The following IGSF22 variants were observed in gnomAD, a reference collection of about 807,000 sequenced individuals.
The protein encoded by IGSF22 is immunoglobulin superfamily, member 22.
In IGSF22, 119 loss-of-function variants were observed where a neutral mutation model predicts 127.0. That is an observed-to-expected ratio of 0.94 (90% CI 0.81 to 1.09). IGSF22 has a LOEUF of 1.09. Among genes scored for constraint, IGSF22 ranks in the 50% least tolerant of loss-of-function variants. The pLI is 0.00. For missense variants in IGSF22, 1,518 were observed against 1,716.6 expected (o/e 0.88, Z 2.04); for synonymous variants, 568 against 664.7 (o/e 0.85, Z 2.24).
chr11:18,707,427 T>C (rs1848262250), intron 20 of IGSF22: 1 of 541,790 alleles, frequency 1.8e-6, no homozygotes, highest in Non-Finnish European at 3.2e-6. Context: ...TTTCCTCAAT[T>C]GCAAAATAGA....
rs745693032 is a variant in IGSF22 at position 18,712,046 on chromosome 11, T to C, written c.2398+36A>G. ...GGCTTAAGGTCTCCATGCTGACCCC[T>C]GGGTTCCCCACTGAGCACCAGGCTA... On this transcript the variant is annotated intron_variant, in intron 15 of 22. Coordinates refer to ENST00000513874, the MANE Select transcript of IGSF22 (RefSeq NM_173588.4). The C allele has an allele frequency of 3.9e-6, 6 of 1,520,384 alleles. No homozygotes were observed. The South Asian group carries it at 7.6e-5, about 19-fold the overall frequency. 94.2% of individuals were successfully genotyped at this position (1,520,384 alleles called of 1,614,324 possible). A position where few individuals can be genotyped will look rare whatever the true frequency, so the allele number is the denominator to read the frequency against.
At chr11:18,725,551 C>T (rs903815610) in intron 1 of IGSF22, among the ~76,000 whole-genome samples, 1 of 152,186 alleles carries the variant, frequency 6.6e-6, no homozygotes, top group Non-Finnish European at 1.5e-5. Flanking sequence ...AGCAATTCTC[C>T]TGCCTCAGGC....
chr11:18,710,631 G>A (rs1848335475), intron 16 of IGSF22, 24 bp downstream of exon 16: 2 of 1,604,286 alleles, frequency 1.2e-6, no homozygotes, highest in Non-Finnish European at 1.7e-6. Context: ...GGTCACTCCT[G>A]GGCCTCTGTT....
intron 2 of IGSF22, among the ~76,000 whole-genome samples, chr11:18,722,483 C>G (rs565648184): frequency 2.0e-5 from 3 of 152,252 alleles, no homozygotes; most frequent in South Asian, 2.1e-4. Context: ...GTGGGTTCAG[C>G]ATTCATTGCC....
chr11:18,715,958 G>A (rs1004516061), intron 10 of IGSF22, among the ~76,000 whole-genome samples: 13 of 152,178 alleles, frequency 8.5e-5, no homozygotes, highest in Non-Finnish European at 1.3e-4. Flanking sequence ...CAGTTTCCTC[G>A]TATGTAAAAT....
At position 18,714,103 on chromosome 11, in the gene IGSF22, T is replaced by C. The variant is rs1174846808; in HGVS notation, c.1844A>G (p.His615Arg). The C allele has an allele frequency of 6.2e-7, 1 of 1,614,184 alleles. No homozygotes were observed. Among genetic ancestry groups the C allele is most frequent in the Admixed American group, 1.7e-5 (1 of 60,030 alleles). The change falls in exon 14 of 23, where the codon CAC (histidine) becomes CGC (arginine). Residue 615 changes from histidine to arginine, a missense_variant. His to Arg is a conservative substitution (Grantham distance 29). This residue lies in a region of IGSF22 where 1,456 missense variants were observed against 1,644.9 expected (regional missense o/e 0.89). Coordinates refer to ENST00000513874, the MANE Select transcript of IGSF22 (RefSeq NM_173588.4). ...DPSVLEALAA[H>R]AITVKVGHTA... is the part of the protein sequence containing the mutation. ...GTGGCCTACCTTCACAGTGATGGCG[T>C]GCGCAGCCAGTGCCTCCAGTACTGA...
At chr11:18,715,997 T>C (rs1240939319) in intron 10 of IGSF22, among the ~76,000 whole-genome samples, 1 of 152,182 alleles carries the variant, frequency 6.6e-6, no homozygotes, top group Non-Finnish European at 1.5e-5. Context: ...GTGCTCAATA[T>C]CTCTAATGCC....
chr11:18,716,640 G>T lies in IGSF22; in HGVS notation c.1246+88C>A. On this transcript the variant is annotated intron_variant, in intron 10 of 22. Transcript: ENST00000513874. The surrounding 1 kb of genome is among the most constrained non-coding windows in gnomAD (Gnocchi z 4.5). Reference sequence around the variant, plus strand: ...AGGGCTTTGCAAAAAGGAGATGGATGGATAGATGGATATATAAATGATGAC... The same window carrying T: ...AGGGCTTTGCAAAAAGGAGATGGATTGATAGATGGATATATAAATGATGAC... 2 of 1,362,148 alleles carry T rather than the reference G, an allele frequency of 1.5e-6. No homozygotes were observed. The highest frequency in any genetic ancestry group is 2.1e-6 in the Non-Finnish European group (2 of 972,888). The allele number at this position is 1,362,148 out of a possible 1,614,324, so 84.4% of individuals were successfully genotyped here. A position where few individuals can be genotyped will look rare whatever the true frequency, so the allele number is the denominator to read the frequency against.
rs1168261883 is a variant in IGSF22, at chr11:18,712,478, T to C, written c.2096-94A>G. On this transcript the variant is annotated intron_variant, in intron 14 of 22. Transcript: ENST00000513874. ...CCAAAGGTCTGCCCAGACTAGGGTA[T>C]AGCTGGATTTTGAGCTTTTTGGATC... 5.1e-6 allele frequency: 6 copies of C among 1,180,664 alleles called. No homozygotes were observed. The African/African-American group carries it at 6.2e-5, about 12-fold the overall frequency. 73.1% of individuals were successfully genotyped at this position (1,180,664 alleles called of 1,614,324 possible).
At position 18,710,727 on chromosome 11, in the gene IGSF22, G is replaced by T; in HGVS notation, c.2500C>A (p.Leu834Ile). ...TTCCTTCGTTCTACAATGTAGCCGA[G>T]CACTGGGGCTCCCCCATCCTGGGTA... ...APTQDGGAPVLGYIVERRKKG... is the reference protein window; with the variant it reads ...APTQDGGAPVIGYIVERRKKG... Residue 834 changes from leucine to isoleucine, a missense_variant, in exon 16 of 23, where the codon CTC (leucine) becomes ATC (isoleucine). By Grantham distance (5) the Leu-to-Ile change is conservative. Coordinates refer to ENST00000513874, the MANE Select transcript of IGSF22 (RefSeq NM_173588.4). 1 of 1,614,170 alleles carries T rather than the reference G, an allele frequency of 6.2e-7. No individual in the cohort carries two copies. Among genetic ancestry groups the T allele is most frequent in the Non-Finnish European group, 8.5e-7 (1 of 1,180,000 alleles).
intron 15 of IGSF22, among the ~76,000 whole-genome samples, chr11:18,711,585 A>G (rs1848357560): frequency 6.6e-6 from 1 of 152,064 alleles, no homozygotes; most frequent in African/African-American, 2.4e-5. Flanking sequence ...TTTAGTAGAG[A>G]TAGGGTTTCA....
At position 18,716,447 on chromosome 11, in the gene IGSF22, T is replaced by C. The variant is rs146472973; in HGVS notation, c.1246+281A>G. On this transcript the variant is annotated intron_variant, in intron 10 of 22. Transcript: ENST00000513874. This position sits in a 1 kb window ranked among gnomAD's most constrained non-coding sequence, Gnocchi z 4.5. ...GCTGTAATATATGACATTAGAGACA[T>C]AGACTAATACTTTCTTGGTCCATGA... 1.7e-4 allele frequency among the ~76,000 whole-genome samples: 26 copies of C among 152,312 alleles called. No individual in the cohort carries two copies. Among genetic ancestry groups the C allele is most frequent in the East Asian group, 1.2e-3 (6 of 5,184 alleles).
intron 4 of IGSF22, among the ~76,000 whole-genome samples, chr11:18,720,825 G>A (rs2278735): frequency 0.19 from 28,895 of 152,102 alleles, 3,078 homozygotes; most frequent in Admixed American, 0.25. Context: ...TGTGTGCTGT[G>A]GGGGGCTTAG....
rs1251348967 is a variant in IGSF22 at position 18,710,682 on chromosome 11, C to T, written c.2545G>A (p.Val849Met). 6.2e-7 allele frequency: 1 copy of T among 1,613,474 alleles called. No individual in the cohort carries two copies. The highest frequency in any genetic ancestry group is 2.2e-5 in the East Asian group (1 of 44,886). The change falls in exon 16 of 23, where the codon GTG becomes ATG. Residue 849 changes from valine (V) to methionine (M), a missense_variant. Val to Met is a conservative substitution (Grantham distance 21). Transcript: ENST00000513874. The stretch of plus-strand genomic sequence containing the variant: ...TGGATGGGGTCCTTGTTGACTGGCA[C>T]CCACAGGTTGCTGCCTTTCTTCCTT... ...ERRKKGSNLW[V>M]PVNKDPIQGT...
At chr11:18,720,133 CA>C (rs1352375703) in intron 5 of IGSF22, 30 bp from the exon 6 acceptor site, 1 of 1,614,132 alleles carries the variant, frequency 6.2e-7, no homozygotes, top group African/African-American at 1.3e-5. Flanking sequence ...CAGGTTCAGA[CA>C]GGGGGAGTCT....
rs970113743 is a variant in IGSF22, at chr11:18,709,137, T to C, written c.2998+250A>G. ...GTGGTCTCAGTGAACTGGTTTTGCG[T>C]GTACAATGCGCAAGAAGAACCCATT... On this transcript the variant is annotated intron_variant, in intron 18 of 22. Coordinates refer to ENST00000513874, the MANE Select transcript of IGSF22 (RefSeq NM_173588.4). The surrounding 1 kb of genome is among the most constrained non-coding windows in gnomAD (Gnocchi z 4.8). 1.3e-5 allele frequency among the ~76,000 whole-genome samples: 2 copies of C among 152,212 alleles called. No individual in the cohort carries two copies. The highest frequency in any genetic ancestry group is 4.8e-5 in the African/African-American group (2 of 41,446).
Position 18,716,943 on chromosome 11 carries a change from G to A in IGSF22, c.1031C>T (p.Thr344Ile), listed in dbSNP as rs375519590. The A allele has an allele frequency of 1.2e-5, 20 of 1,614,174 alleles. No individual in the cohort carries two copies. Among genetic ancestry groups the A allele is most frequent in the Non-Finnish European group, 4.2e-6 (5 of 1,180,024 alleles). The change falls in exon 10 of 23, where the codon ACA (threonine) becomes ATA (isoleucine). Residue 344 changes from threonine to isoleucine, a missense_variant. Physicochemically the swap from Thr to Ile is moderately conservative, Grantham distance 89 (BLOSUM62 -1). Around this residue, in one of 3 missense-constraint regions of IGSF22, gnomAD observed 1,456 missense variants for 1,644.9 expected, o/e 0.89. Coordinates refer to ENST00000513874, the MANE Select transcript of IGSF22 (RefSeq NM_173588.4). The surrounding 1 kb of genome is among the most constrained non-coding windows in gnomAD (Gnocchi z 4.5). ...MKPVKVTERQ[T>I]AVFEIRLSKK... Reference sequence around the variant, plus strand: ...GGAGAGGCGGATCTCAAACACAGCTGTCTGGCGCTCTGTCACCTTCACAGG... The same window carrying A: ...GGAGAGGCGGATCTCAAACACAGCTATCTGGCGCTCTGTCACCTTCACAGG...
Position 18,707,104 on chromosome 11 carries a change from G to A in IGSF22, c.3390C>T (p.Tyr1130=), listed in dbSNP as rs1303208373. 11 of 1,551,556 alleles carry A rather than the reference G, an allele frequency of 7.1e-6. No homozygotes were observed. Among genetic ancestry groups the A allele is most frequent in the African/African-American group, 1.4e-5 (1 of 73,058 alleles). ...PDVQEDGEAH[Y]IIMKRDASTA... ...TGCTTGCATCCCGCTTCATGATGATGTAGTGAGCCTCACCGTCCTCCTGCA... is the reference window on the plus strand; with the variant it reads ...TGCTTGCATCCCGCTTCATGATGATATAGTGAGCCTCACCGTCCTCCTGCA... Residue 1130 remains tyrosine, a synonymous_variant, in exon 21 of 23, where the codon TAC becomes TAT. Coordinates refer to ENST00000513874, the MANE Select transcript of IGSF22 (RefSeq NM_173588.4).
Position 18,714,162 on chromosome 11 carries a change from C to A in IGSF22, c.1799-14G>T. 6.2e-7 allele frequency: 1 copy of A among 1,602,338 alleles called. No homozygotes were observed. Among genetic ancestry groups the A allele is most frequent in the South Asian group, 1.1e-5 (1 of 89,116 alleles). On this transcript the variant is annotated splice_polypyrimidine_tract_variant and intron_variant, in intron 13 of 22. Transcript: ENST00000513874. ...TGGTAGGAGGATCTGTGGGGCGGGG[C>A]GGCAGGGAAGGCTTGAGCATTGGCA...
Sources: allele counts gnomAD v4.1 joint callset (sites outside exome capture counted in the v4.1 genomes callset), GRCh38; gene constraint gnomAD v4.1.1; regional missense constraint gnomAD v4.1.1; non-coding constraint Gnocchi (gnomAD v3.1); transcripts MANE v1.5; gene names NCBI Gene and HGNC (gene_info 2026-07-23, HGNC 2026-07-21).